NCAM2: variants seen among roughly 807,000 people sequenced by gnomAD.
NCAM2 encodes N-CAM-2.
In NCAM2, 30 loss-of-function variants were observed where a neutral mutation model predicts 98.1. That is an observed-to-expected ratio of 0.31 (90% CI 0.23 to 0.41). NCAM2 has a LOEUF of 0.41. NCAM2 is among the 10% of genes least tolerant of loss of function. NCAM2 has a pLI of 1.00. For missense variants in NCAM2, 867 were observed against 1,005.8 expected (o/e 0.86, Z 1.87); for synonymous variants, 368 against 342.4 (o/e 1.07, Z -0.83).
chr21:21,203,953 T>A (rs2147041954), intron 1 of NCAM2, among the ~76,000 whole-genome samples: 1 of 152,312 alleles, frequency 6.6e-6, no homozygotes, highest in African/African-American at 2.4e-5. Flanking sequence ...ATAAGATTTT[T>A]TCTTGTTTGT....
chr21:21,263,732 A>G (rs2072014289), intron 1 of NCAM2, among the ~76,000 whole-genome samples: 1 of 152,168 alleles, frequency 6.6e-6, no homozygotes. Flanking sequence ...ATCTTTCTCA[A>G]AGTTGACAAA....
At chr21:21,117,858 A>AGTTT (rs1242405574) in intron 1 of NCAM2, among the ~76,000 whole-genome samples, 61 of 152,322 alleles carry the variant, frequency 4.0e-4, no homozygotes, top group Admixed American at 1.9e-3. Flanking sequence ...CACCAATTTA[A>AGTTT]ACAAGGATAT....
intron 12 of NCAM2, among the ~76,000 whole-genome samples, chr21:21,442,931 T>C (rs1193317049): frequency 6.6e-6 from 1 of 152,176 alleles, no homozygotes. Flanking sequence ...TCTTTCTCTT[T>C]ATCCCACCCT....
intron 5 of NCAM2, among the ~76,000 whole-genome samples, chr21:21,300,517 A>G (rs1393971531): frequency 8.7e-6 from 1 of 115,576 alleles, no homozygotes; most frequent in Non-Finnish European, 1.8e-5. Context: ...CAGCTGATCC[A>G]GAAACCAACT....
At chr21:21,045,555 AG>A (rs1389767849) in intron 1 of NCAM2, among the ~76,000 whole-genome samples, 1 of 152,080 alleles carries the variant, frequency 6.6e-6, no homozygotes, top group African/African-American at 2.4e-5. Flanking sequence ...AAACTGAGGC[AG>A]GAGGGTCACT....
chr21:21,024,290 A>G (rs966674662), intron 1 of NCAM2, among the ~76,000 whole-genome samples: 2 of 152,150 alleles, frequency 1.3e-5, no homozygotes, highest in Admixed American at 1.3e-4. Context: ...TGATACCACT[A>G]TTTCTGGGAG....
At chr21:21,041,180 G>T (rs2064896872) in intron 1 of NCAM2, among the ~76,000 whole-genome samples, 1 of 151,926 alleles carries the variant, frequency 6.6e-6, no homozygotes, top group Non-Finnish European at 1.5e-5. Flanking sequence ...ATTTACAAAG[G>T]GTCATATAAG....
chr21:21,352,795 T>C (rs1400306809), intron 8 of NCAM2, among the ~76,000 whole-genome samples: 5 of 140,316 alleles, frequency 3.6e-5, no homozygotes. Context: ...ACCCTAAAAC[T>C]TAAAGTATAA....
intron 15 of NCAM2, among the ~76,000 whole-genome samples, chr21:21,481,252 G>A (rs575365291): frequency 6.6e-6 from 1 of 151,294 alleles, no homozygotes; most frequent in Non-Finnish European, 1.5e-5. Context: ...GAGTTCCAAG[G>A]AACTATCATA....
chr21:21,040,186 G>T lies in NCAM2; in HGVS notation c.55+41568G>T, dbSNP rs141058775. Among the ~76,000 whole-genome samples the T allele has an allele frequency of 1.4e-4, 21 of 152,228 alleles. No individual in the cohort carries two copies. The East Asian group carries it at 4.1e-3, about 29-fold the overall frequency. ...TAGAAAGAGGGAAAAAACTGTAGAGGATATCTTACTGAATCTTTAGTTTCC... is the reference window on the plus strand; with the variant it reads ...TAGAAAGAGGGAAAAAACTGTAGAGTATATCTTACTGAATCTTTAGTTTCC... On this transcript the variant is annotated intron_variant, in intron 1 of 17. Transcript: ENST00000400546.
chr21:21,506,593 G>T (rs1361203702), intron 15 of NCAM2, among the ~76,000 whole-genome samples: 3 of 151,824 alleles, frequency 2.0e-5, no homozygotes, highest in Admixed American at 1.3e-4. Flanking sequence ...CTTGTTTATT[G>T]AGATTTTGCA....
chr21:21,530,834 G>A (rs533436082), intron 16 of NCAM2, among the ~76,000 whole-genome samples: 1 of 151,730 alleles, frequency 6.6e-6, no homozygotes, highest in South Asian at 2.1e-4. Flanking sequence ...TAAATATACA[G>A]TAAGATACTA....
At chr21:21,293,740 G>T (rs2073377364) in intron 5 of NCAM2, among the ~76,000 whole-genome samples, 1 of 151,478 alleles carries the variant, frequency 6.6e-6, no homozygotes, top group Non-Finnish European at 1.5e-5. Context: ...ATATATAGTG[G>T]CTATTTAGTT....
chr21:21,017,726 T>A (rs906937072), intron 1 of NCAM2, among the ~76,000 whole-genome samples: 1 of 152,132 alleles, frequency 6.6e-6, no homozygotes, highest in Non-Finnish European at 1.5e-5. Context: ...AATTTCTTTT[T>A]AGGATAGCTA....
intron 8 of NCAM2, among the ~76,000 whole-genome samples, chr21:21,345,195 C>G (rs2075154512): frequency 6.6e-6 from 1 of 151,914 alleles, no homozygotes; most frequent in African/African-American, 2.4e-5. Flanking sequence ...GCAATTAATA[C>G]CTAACTCTTT....
intron 1 of NCAM2, among the ~76,000 whole-genome samples, chr21:21,129,672 C>T (rs1181067108): frequency 6.6e-6 from 1 of 152,092 alleles, no homozygotes; most frequent in Non-Finnish European, 1.5e-5. Flanking sequence ...AGCTAGCTCA[C>T]TGTCGCCTCT....
chr21:21,144,472 T>C (rs183723869), intron 1 of NCAM2, among the ~76,000 whole-genome samples: 1 of 152,222 alleles, frequency 6.6e-6, no homozygotes, highest in East Asian at 1.9e-4. Flanking sequence ...ACCAAAATCA[T>C]TGCTGAGAGA....
intron 1 of NCAM2, among the ~76,000 whole-genome samples, chr21:21,280,105 T>G (rs1013204019): frequency 6.6e-6 from 1 of 152,242 alleles, no homozygotes; most frequent in South Asian, 2.1e-4. Context: ...TGCAGTGCTT[T>G]CTTTCCTTTG....
intron 1 of NCAM2, among the ~76,000 whole-genome samples, chr21:21,067,943 A>G (rs1330727477): frequency 2.0e-5 from 3 of 151,914 alleles, no homozygotes; most frequent in Non-Finnish European, 4.4e-5. Context: ...AAAAAAACTG[A>G]ATTTCTTGTC....
Sources: gnomAD v4.1 joint callset for allele counts (sites outside exome capture counted in the v4.1 genomes callset) on GRCh38, gnomAD v4.1.1 for gene constraint, MANE v1.5 for transcripts, NCBI Gene and HGNC (gene_info 2026-07-23, HGNC 2026-07-21) for gene names.